Variants in ZFAT observed in about 807,000 individuals in gnomAD.
The protein encoded by ZFAT is zinc finger and AT-hook domain containing, also known as zinc finger protein ZFAT.
A neutral mutation model predicts 117.7 loss-of-function variants in ZFAT; 64 were observed. The ratio of observed to expected loss-of-function variants is 0.54; its 90% CI spans 0.44 to 0.67. The LOEUF is 0.67. Among genes scored for constraint, ZFAT ranks in the 30% least tolerant of loss-of-function variants. The probability of loss-of-function intolerance (pLI) is 0.00; values close to 1 mark genes in which losing one functional copy is unlikely to be tolerated. For synonymous variants in ZFAT, 679 were observed against 615.0 expected (o/e 1.10, Z -1.54); for missense variants, 1,433 against 1,584.5 (o/e 0.90, Z 1.62).
chr8:134,567,880 G>C (rs1284892067), intron 10 of ZFAT, among the ~76,000 whole-genome samples: 1 of 152,174 alleles, frequency 6.6e-6, no homozygotes, highest in African/African-American at 2.4e-5. Flanking sequence ...TGTTAATTCA[G>C]AACTCAAATT....
the ZFAT span, among the ~76,000 whole-genome samples, chr8:134,753,807 T>G: frequency 6.6e-6 from 1 of 152,212 alleles, no homozygotes; most frequent in South Asian, 2.1e-4. Context: ...ACACTAGAAG[T>G]AAATATAGAT....
the ZFAT span, chr8:134,765,777 T>C: frequency 1.3e-5 from 2 of 152,222 alleles, no homozygotes; most frequent in South Asian, 2.1e-4. Flanking sequence ...GCACAGTTTT[T>C]AGAAACATCT....
chr8:134,576,508 T>C (rs1261322166), intron 10 of ZFAT, among the ~76,000 whole-genome samples: 1 of 152,176 alleles, frequency 6.6e-6, no homozygotes, highest in Non-Finnish European at 1.5e-5. Context: ...AAGGATGCAG[T>C]GGAAAGACCA....
intron 15 of ZFAT, among the ~76,000 whole-genome samples, chr8:134,505,790 G>A (rs1322880700): frequency 6.6e-6 from 1 of 152,194 alleles, no homozygotes; most frequent in Non-Finnish European, 1.5e-5. Flanking sequence ...TTTAGCACAG[G>A]AAGCACTGCA....
At chr8:134,597,724 G>A (rs1348161795) in intron 7 of ZFAT, 1 of 152,124 alleles carries the variant, frequency 6.6e-6, no homozygotes, top group Non-Finnish European at 1.5e-5. Flanking sequence ...AGCCAGCGCT[G>A]GCTGGCTTTG....
the ZFAT span, among the ~76,000 whole-genome samples, chr8:134,788,728 T>C: frequency 1.3e-5 from 2 of 152,168 alleles, no homozygotes; most frequent in Non-Finnish European, 2.9e-5. Context: ...ATGTCATTCG[T>C]GCTTTATGTA....
intron 15 of ZFAT, among the ~76,000 whole-genome samples, chr8:134,482,948 T>C (rs572985454): frequency 8.5e-5 from 13 of 152,300 alleles, no homozygotes; most frequent in African/African-American, 3.1e-4. Flanking sequence ...CACAAGTGGC[T>C]CTGCTGGCCC....
At chr8:134,709,873 A>G (rs1005419241) in intron 1 of ZFAT, among the ~76,000 whole-genome samples, 3 of 152,282 alleles carry the variant, frequency 2.0e-5, no homozygotes, top group South Asian at 4.1e-4. Flanking sequence ...CAATTCACAC[A>G]ATGACCATCT....
At chr8:134,573,551 C>T (rs1825090259) in intron 10 of ZFAT, among the ~76,000 whole-genome samples, 1 of 152,210 alleles carries the variant, frequency 6.6e-6, no homozygotes, top group Non-Finnish European at 1.5e-5. Context: ...GAGGTTTCCA[C>T]TGCAGACACC....
chr8:134,525,510 G>A (rs762942132), intron 12 of ZFAT, among the ~76,000 whole-genome samples: 3 of 152,164 alleles, frequency 2.0e-5, no homozygotes, highest in Non-Finnish European at 2.9e-5. Context: ...TAAACCTCAC[G>A]GGGATGTGGC....
chr8:134,517,741 A>G (rs965962892), intron 13 of ZFAT, among the ~76,000 whole-genome samples: 1 of 152,220 alleles, frequency 6.6e-6, no homozygotes, highest in Admixed American at 6.5e-5. Flanking sequence ...CAGACTTTCC[A>G]TATCTTTCAT....
At chr8:134,613,659 T>A (rs1292860566) in intron 3 of ZFAT, among the ~76,000 whole-genome samples, 1 of 152,038 alleles carries the variant, frequency 6.6e-6, no homozygotes, top group Non-Finnish European at 1.5e-5. Context: ...TCCAGGAACT[T>A]GGAAAGCTGC....
intron 3 of ZFAT, among the ~76,000 whole-genome samples, chr8:134,613,363 C>T (rs992580499): frequency 3.3e-5 from 5 of 152,218 alleles, no homozygotes; most frequent in Admixed American, 6.5e-5. Flanking sequence ...GGATAAACCG[C>T]GTCCGGACTC....
intron 8 of ZFAT, among the ~76,000 whole-genome samples, chr8:134,588,923 C>T (rs1826255970): frequency 6.6e-6 from 1 of 152,106 alleles, no homozygotes; most frequent in Admixed American, 6.5e-5. Context: ...GAAAGCAATC[C>T]TTATTATTTG....
chr8:134,590,467 C>T (rs532932103), intron 7 of ZFAT, 112 bp from the exon 8 acceptor site: 49 of 753,622 alleles, frequency 6.5e-5, no homozygotes, highest in East Asian at 3.2e-4. Flanking sequence ...CTACCACTCA[C>T]GCTATCAACA....
At chr8:134,535,804 A>G (rs1260799233) in intron 11 of ZFAT, among the ~76,000 whole-genome samples, 2 of 152,176 alleles carry the variant, frequency 1.3e-5, no homozygotes, top group African/African-American at 4.8e-5. Flanking sequence ...AGTTAAAATA[A>G]AAGCTAAACC....
chr8:134,601,128 C>A (rs1586790718), intron 6 of ZFAT, among the ~76,000 whole-genome samples: 1 of 152,176 alleles, frequency 6.6e-6, no homozygotes, highest in Admixed American at 6.5e-5. Context: ...ACTTTCATAA[C>A]CTCTCTTGGC....
chr8:134,569,728 G>A (rs1405770200), intron 10 of ZFAT, among the ~76,000 whole-genome samples: 2 of 152,092 alleles, frequency 1.3e-5, no homozygotes, highest in Admixed American at 1.3e-4. Context: ...GGTGCATACA[G>A]GTGACCCCAC....
At chr8:134,630,377 A>T (rs1203104063) in intron 3 of ZFAT, among the ~76,000 whole-genome samples, 6 of 152,158 alleles carry the variant, frequency 3.9e-5, no homozygotes, top group Non-Finnish European at 8.8e-5. Context: ...TTCAAACATG[A>T]CTCACTCAAA....
Sources: gnomAD v4.1 joint callset for allele counts (sites outside exome capture counted in the v4.1 genomes callset) on GRCh38, gnomAD v4.1.1 for gene constraint, MANE v1.5 for transcripts, NCBI Gene and HGNC (gene_info 2026-07-23, HGNC 2026-07-21) for gene names.